The following TSPAN9 variants were observed in gnomAD, a reference collection of about 807,000 sequenced individuals.
TSPAN9 encodes the protein tetraspanin-9.
TSPAN9 carries 16 observed loss-of-function variants against 31.0 expected under a neutral mutation model. The ratio of observed to expected loss-of-function variants is 0.52; its 90% confidence interval spans 0.35 to 0.78. TSPAN9 has a LOEUF of 0.78. TSPAN9 is among the 30% of genes least tolerant of loss of function. TSPAN9 has a pLI of 0.01. For synonymous variants in TSPAN9, 145 were observed against 121.6 expected, an observed-to-expected ratio of 1.19 and a Z score of -1.27; for missense variants, 272 against 312.5, an observed-to-expected ratio of 0.87 and a Z score of 0.98.
intron 2 of TSPAN9, among the ~76,000 whole-genome samples, chr12:3,116,671 T>C (rs883594): frequency 0.36 from 54,104 of 151,892 alleles, 9,834 homozygotes; most frequent in Middle Eastern, 0.45. Flanking sequence ...AACTGCCCCC[T>C]GCTGCTGCAC....
chr12:3,256,928 G>C (rs1255060934), intron 3 of TSPAN9, among the ~76,000 whole-genome samples: 1 of 152,120 alleles, frequency 6.6e-6, no homozygotes, highest in South Asian at 2.1e-4. Context: ...CAGCTTCTTC[G>C]CCCTGGGGAG....
In TSPAN9 at chr12:3,192,434, C is replaced by T. The variant is rs910741701; in HGVS notation, c.-17-8743C>T. Among the ~76,000 whole-genome samples, 1 of 152,074 alleles carries T rather than the reference C, an allele frequency of 6.6e-6. No homozygotes were observed. Among genetic ancestry groups the T allele is most frequent in the African/African-American group, 2.4e-5 (1 of 41,404 alleles). On this transcript the variant is annotated intron_variant, in intron 2 of 8. Transcript: ENST00000011898. This position sits in a 1 kb window ranked among gnomAD's most constrained non-coding sequence, Gnocchi z 4.6. ...GGAGGATGCCAGGTGCAGGGAGGCT[C>T]TGCGGCTTGGACTTGTGTTTGCTTC... is the stretch of plus-strand genomic sequence containing the variant.
intron 2 of TSPAN9, among the ~76,000 whole-genome samples, chr12:3,137,436 C>T (rs1431614346): frequency 6.6e-6 from 1 of 152,216 alleles, no homozygotes; most frequent in African/African-American, 2.4e-5. Flanking sequence ...GCCTGCCTCC[C>T]ATGTGGCTTC....
chr12:3,243,356 C>CA (rs2098397620), intron 3 of TSPAN9, among the ~76,000 whole-genome samples: 1 of 152,154 alleles, frequency 6.6e-6, no homozygotes, highest in Non-Finnish European at 1.5e-5. Flanking sequence ...GCCGCAGCCC[C>CA]AGGAGGCAGG....
chr12:3,078,883 G>C (rs1250825233), intron 1 of TSPAN9, among the ~76,000 whole-genome samples: 1 of 151,642 alleles, frequency 6.6e-6, no homozygotes, highest in Non-Finnish European at 1.5e-5. Flanking sequence ...AACTAGTGTT[G>C]ATAAAGTAAT....
chr12:3,077,802 G>T (rs1039076657), intron 1 of TSPAN9, among the ~76,000 whole-genome samples: 14 of 152,148 alleles, frequency 9.2e-5, no homozygotes, highest in African/African-American at 3.4e-4. Context: ...CCCGTGCACC[G>T]CTTGGGACAG....
intron 3 of TSPAN9, chr12:3,272,905 A>T (rs1862709791): frequency 6.6e-6 from 1 of 152,298 alleles, no homozygotes; most frequent in South Asian, 2.1e-4. Flanking sequence ...GACAAGGAAG[A>T]CACCGTGGGG....
At chr12:3,104,261 G>C (rs2098313166) in intron 2 of TSPAN9, among the ~76,000 whole-genome samples, 1 of 152,190 alleles carries the variant, frequency 6.6e-6, no homozygotes, top group African/African-American at 2.4e-5. Flanking sequence ...AGGAGTGGGA[G>C]AGCTGGCATA....
intron 2 of TSPAN9, among the ~76,000 whole-genome samples, chr12:3,164,335 G>A (rs183934723): frequency 2.3e-3 from 356 of 152,332 alleles, no homozygotes; most frequent in Middle Eastern, 0.017. Flanking sequence ...TCTGTGGTAC[G>A]TAGCATTGAT....
At chr12:3,109,126 G>T (rs964649371) in intron 2 of TSPAN9, among the ~76,000 whole-genome samples, 76 of 147,996 alleles carry the variant, frequency 5.1e-4, no homozygotes, top group East Asian at 1.0e-3. Context: ...TAGTAGAGAC[G>T]GGGGTTTCAC....
intron 3 of TSPAN9, among the ~76,000 whole-genome samples, chr12:3,206,074 C>T (rs754850051): frequency 1.6e-4 from 25 of 152,278 alleles, no homozygotes; most frequent in African/African-American, 5.5e-4. Flanking sequence ...AGGAAGGGGC[C>T]GCTGGGCCCT....
chr12:3,265,024 T>C (rs987156110), intron 3 of TSPAN9, among the ~76,000 whole-genome samples: 5 of 152,316 alleles, frequency 3.3e-5, no homozygotes, highest in Non-Finnish European at 5.9e-5. Flanking sequence ...CTGGTGGTGT[T>C]GGTCCAGCTG....
chr12:3,105,167 C>G (rs1056903107), intron 2 of TSPAN9, among the ~76,000 whole-genome samples: 1 of 152,194 alleles, frequency 6.6e-6, no homozygotes, highest in Non-Finnish European at 1.5e-5. Context: ...TCAGACAAGC[C>G]CTGCTGTGTA....
intron 2 of TSPAN9, among the ~76,000 whole-genome samples, chr12:3,188,625 G>A (rs573835382): frequency 1.3e-5 from 2 of 152,288 alleles, no homozygotes; most frequent in East Asian, 3.9e-4. Flanking sequence ...ATGTGGAAGC[G>A]CCTCTTGGGG....
chr12:3,098,744 T>C (rs541681064), intron 2 of TSPAN9, among the ~76,000 whole-genome samples: 94 of 151,854 alleles, frequency 6.2e-4, no homozygotes, highest in Admixed American at 9.8e-4. Flanking sequence ...GTTTTTTTTT[T>C]TCTCTCTCTC....
intron 2 of TSPAN9, among the ~76,000 whole-genome samples, chr12:3,145,466 T>C (rs2098336708): frequency 6.6e-6 from 1 of 152,226 alleles, no homozygotes; most frequent in South Asian, 2.1e-4. Flanking sequence ...GATTTCCTCC[T>C]TTTTGATACC....
At chr12:3,245,218 A>G (rs960924716) in intron 3 of TSPAN9, among the ~76,000 whole-genome samples, 6 of 152,184 alleles carry the variant, frequency 3.9e-5, no homozygotes, top group Non-Finnish European at 5.9e-5. Flanking sequence ...TGCCTGGACC[A>G]AAGCACGTTT....
chr12:3,243,054 A>G (rs911976018), intron 3 of TSPAN9, among the ~76,000 whole-genome samples: 4 of 152,204 alleles, frequency 2.6e-5, no homozygotes, highest in East Asian at 1.9e-4. Context: ...TGGATGGTAC[A>G]TTTGGAGGGA....
chr12:3,282,453 G>A (rs1862913899), intron 8 of TSPAN9, among the ~76,000 whole-genome samples: 1 of 152,158 alleles, frequency 6.6e-6, no homozygotes, highest in African/African-American at 2.4e-5. Flanking sequence ...GAGTGCGGTG[G>A]CGCCGTCATA....
Sources: allele counts gnomAD v4.1 joint callset (sites outside exome capture counted in the v4.1 genomes callset), GRCh38; gene constraint gnomAD v4.1.1; non-coding constraint Gnocchi (gnomAD v3.1); transcripts MANE v1.5; gene names NCBI Gene and HGNC (gene_info 2026-07-23, HGNC 2026-07-21).